Variants in ZNF138 observed in about 807,000 individuals in gnomAD.
ZNF138 encodes the protein zinc finger protein 138 (clone pHZ-32).
A neutral mutation model predicts 33.0 loss-of-function variants in ZNF138; 33 were observed. That is an observed-to-expected ratio of 1.00 (90% CI 0.76 to 1.34). The LOEUF is 1.34. ZNF138 is among the 40% of genes most tolerant of loss of function. The pLI is 0.00. For missense variants in ZNF138, 360 were observed against 370.8 expected (o/e 0.97, Z 0.24); for synonymous variants, 139 against 120.4 (o/e 1.15, Z -1.01).
At chr7:64,803,258 G>GTTTTT (rs60101981) in intron 1 of ZNF138, among the ~76,000 whole-genome samples, 4,176 of 112,244 alleles carry the variant, frequency 0.037, 70 homozygotes, top group East Asian at 0.088. Context: ...TTTGGCAAAG[G>GTTTTT]TTTTTTTTTT....
chr7:64,798,246 C>T (rs1352044900), intron 1 of ZNF138, among the ~76,000 whole-genome samples: 1 of 152,162 alleles, frequency 6.6e-6, no homozygotes, highest in Non-Finnish European at 1.5e-5. Flanking sequence ...CAGCCCAAAT[C>T]AGATTTTAGA....
At position 64,832,260 on chromosome 7, in the gene ZNF138, T is replaced by C; in HGVS notation, c.*58T>C. ...AGAGAAAGCCTACAAATGTGAAGAATGTGGCAAAGCCTTTAACCAGTTTTC... is the reference window on the plus strand; with the variant it reads ...AGAGAAAGCCTACAAATGTGAAGAACGTGGCAAAGCCTTTAACCAGTTTTC... On this transcript the variant is annotated 3_prime_UTR_variant, in exon 4 of 4. Transcript: ENST00000307355. 2.5e-6 allele frequency: 4 copies of C among 1,601,878 alleles called. No homozygotes were observed. Among genetic ancestry groups the C allele is most frequent in the South Asian group, 2.2e-5 (2 of 89,378 alleles).
chr7:64,815,176 C>CT (rs1562905441), intron 2 of ZNF138, 132 bp downstream of exon 2: 3 of 965,348 alleles, frequency 3.1e-6, no homozygotes, highest in Non-Finnish European at 4.3e-6. Flanking sequence ...TCAAAAGAAT[C>CT]TTTGAGATTT....
chr7:64,831,140 A>T, intron 3 of ZNF138: 1 of 1,539,570 alleles, frequency 6.5e-7, no homozygotes. Context: ...TTACTTCTAG[A>T]GGCACTATGT....
rs558239229 is a variant in ZNF138, at chr7:64,821,515, T to C, written c.208+5862T>C. On this transcript the variant is annotated intron_variant, in intron 3 of 3. Transcript: ENST00000307355. ...AAAATTTACTTCAATTATTTGTTCATTTCTAAATCAAGTTATTCAACTTTA... is the reference window on the plus strand; with the variant it reads ...AAAATTTACTTCAATTATTTGTTCACTTCTAAATCAAGTTATTCAACTTTA... Among the ~76,000 whole-genome samples, 225 of 151,830 alleles carry C rather than the reference T, an allele frequency of 1.5e-3. 9 individuals are homozygous for C. Among genetic ancestry groups the C allele is most frequent in the African/African-American group, 5.1e-3 (208 of 41,130 alleles).
intron 1 of ZNF138, among the ~76,000 whole-genome samples, chr7:64,805,365 C>T (rs958775615): frequency 6.6e-6 from 1 of 151,518 alleles, no homozygotes; most frequent in African/African-American, 2.4e-5. Context: ...CGCCACTGCA[C>T]TCCAGCCTGG....
chr7:64,810,306 G>C (rs989087929), intron 1 of ZNF138, among the ~76,000 whole-genome samples: 56 of 147,954 alleles, frequency 3.8e-4, no homozygotes, highest in African/African-American at 1.3e-3. Flanking sequence ...AACCAGTCAG[G>C]CGTGGTGGCG....
At chr7:64,807,579 GCCAGGTTGAT>G (rs2128992618) in intron 1 of ZNF138, among the ~76,000 whole-genome samples, 1 of 151,784 alleles carries the variant, frequency 6.6e-6, no homozygotes, top group Admixed American at 6.6e-5. Flanking sequence ...AGAATGCAGA[GCCAGGTTGAT>G]TCAATCTAGA....
the ZNF138 span, among the ~76,000 whole-genome samples, chr7:64,849,506 A>G: frequency 6.7e-6 from 1 of 148,558 alleles, no homozygotes; most frequent in Non-Finnish European, 1.5e-5. Flanking sequence ...AGGACTCCCA[A>G]GAATATATGA....
chr7:64,816,078 T>G (rs1788608057), intron 3 of ZNF138, among the ~76,000 whole-genome samples: 1 of 152,206 alleles, frequency 6.6e-6, no homozygotes, highest in Non-Finnish European at 1.5e-5. Flanking sequence ...TTTTTCTGCA[T>G]ATTCCATTCT....
chr7:64,847,938 T>G, the ZNF138 span, among the ~76,000 whole-genome samples: 5 of 152,156 alleles, frequency 3.3e-5, no homozygotes, highest in East Asian at 5.8e-4. Context: ...TGTATTTTTG[T>G]TTTATAGGTC....
chr7:64,834,932 C>G (rs1329555015), downstream of ZNF138, among the ~76,000 whole-genome samples: 1 of 152,106 alleles, frequency 6.6e-6, no homozygotes, highest in Admixed American at 6.5e-5. Context: ...TCAATAAGGC[C>G]AAGAGGCGAG....
intron 3 of ZNF138, among the ~76,000 whole-genome samples, chr7:64,828,013 CTT>C (rs1789781364): frequency 1.3e-5 from 2 of 152,048 alleles, no homozygotes; most frequent in South Asian, 4.2e-4. Flanking sequence ...TTTTTTATAA[CTT>C]ATTTATTTGT....
chr7:64,843,561 G>C, the ZNF138 span, among the ~76,000 whole-genome samples: 1 of 151,828 alleles, frequency 6.6e-6, no homozygotes, highest in African/African-American at 2.4e-5. Flanking sequence ...ATTTTTATGT[G>C]TCTCTTGACC....
intron 3 of ZNF138, among the ~76,000 whole-genome samples, chr7:64,821,180 C>T (rs1420006896): frequency 1.3e-5 from 2 of 149,224 alleles, no homozygotes; most frequent in African/African-American, 5.0e-5. Flanking sequence ...ACCTCCACCT[C>T]CTGGGTTCAC....
intron 3 of ZNF138, among the ~76,000 whole-genome samples, chr7:64,816,200 T>C (rs1159078535): frequency 1.3e-5 from 2 of 152,210 alleles, no homozygotes; most frequent in Non-Finnish European, 2.9e-5. Context: ...TGTAGTTTCA[T>C]GTAAATTTTA....
chr7:64,844,070 G>A, the ZNF138 span, among the ~76,000 whole-genome samples: 4 of 152,076 alleles, frequency 2.6e-5, no homozygotes, highest in Admixed American at 6.5e-5. Context: ...TGATCTGCCC[G>A]CCTTGACCTC....
chr7:64,824,048 C>T (rs1789380449), intron 3 of ZNF138, among the ~76,000 whole-genome samples: 1 of 152,132 alleles, frequency 6.6e-6, no homozygotes, highest in South Asian at 2.1e-4. Context: ...AAAGTTTGCA[C>T]ATAACTGTTA....
chr7:64,819,064 T>A (rs761295390), intron 3 of ZNF138, among the ~76,000 whole-genome samples: 4 of 152,208 alleles, frequency 2.6e-5, no homozygotes, highest in Non-Finnish European at 4.4e-5. Flanking sequence ...ACTTACATAT[T>A]ATTATTTAAG....
Sources: gnomAD v4.1 joint callset for allele counts (sites outside exome capture counted in the v4.1 genomes callset) on GRCh38, gnomAD v4.1.1 for gene constraint, MANE v1.5 for transcripts, NCBI Gene and HGNC (gene_info 2026-07-23, HGNC 2026-07-21) for gene names.